Variants in PLCB4 observed in about 807,000 individuals in gnomAD.
PLCB4 encodes 1-phosphatidylinositol 4,5-bisphosphate phosphodiesterase beta-4.
PLCB4 carries 77 observed loss-of-function variants against 178.8 expected under a neutral mutation model. The ratio of observed to expected loss-of-function variants is 0.43; its 90% confidence interval spans 0.36 to 0.52. The LOEUF is 0.52. Among genes scored for constraint, PLCB4 ranks in the 20% least tolerant of loss-of-function variants. The probability of loss-of-function intolerance (pLI) is 0.00; values close to 1 mark genes in which losing one functional copy is unlikely to be tolerated. For synonymous variants in PLCB4, 496 were observed against 490.8 expected, an observed-to-expected ratio of 1.01 and a Z score of -0.14; for missense variants, 1,024 against 1,453.4, an observed-to-expected ratio of 0.70 and a Z score of 4.80.
At chr20:9,394,636 G>C (rs576745301) in intron 18 of PLCB4, among the ~76,000 whole-genome samples, 1 of 152,216 alleles carries the variant, frequency 6.6e-6, no homozygotes, top group South Asian at 2.1e-4. Context: ...CGAGTCCCAA[G>C]TTGATGGATT....
chr20:9,447,669 G>T (rs376456444), intron 32 of PLCB4, among the ~76,000 whole-genome samples: 1 of 152,144 alleles, frequency 6.6e-6, no homozygotes, highest in African/African-American at 2.4e-5. Flanking sequence ...ATAGCCTACC[G>T]GCTATTCAAC....
chr20:9,260,393 A>G (rs6056501), intron 3 of PLCB4, among the ~76,000 whole-genome samples: 36,253 of 151,966 alleles, frequency 0.24, 7,852 homozygotes, highest in African/African-American at 0.55. Flanking sequence ...GTTTTTTGGC[A>G]GGGGTTGTTG....
intron 1 of PLCB4, among the ~76,000 whole-genome samples, chr20:9,093,641 A>T (rs1042067586): frequency 1.4e-5 from 2 of 146,740 alleles, no homozygotes; most frequent in African/African-American, 2.5e-5. Flanking sequence ...GTTCAGAGGG[A>T]ATGTGAGGTT....
At chr20:9,372,935 T>A in intron 11 of PLCB4, 112 bp from the exon 12 acceptor site, 1 of 557,626 alleles carries the variant, frequency 1.8e-6, no homozygotes, top group Non-Finnish European at 3.2e-6. Flanking sequence ...CACCACTACT[T>A]CAGGGTTAGA....
intron 2 of PLCB4, among the ~76,000 whole-genome samples, chr20:9,200,852 A>ACCCCT (rs1326650619): frequency 5.9e-5 from 9 of 151,576 alleles, no homozygotes. Context: ...GGTAACCACT[A>ACCCCT]CCCCTCCCCT....
intron 3 of PLCB4, among the ~76,000 whole-genome samples, chr20:9,264,357 A>G (rs2094328031): frequency 1.3e-5 from 2 of 152,178 alleles, no homozygotes; most frequent in Admixed American, 1.3e-4. Context: ...CGCTTTAATT[A>G]TTTAGTAACC....
rs188596859 is a variant in PLCB4 at position 9,207,106 on chromosome 20, A to G, written c.-78-10284A>G. 2.2e-3 allele frequency among the ~76,000 whole-genome samples: 342 copies of G among 152,216 alleles called. 1 individual carries two copies. Among genetic ancestry groups the G allele is most frequent in the Non-Finnish European group, 3.7e-3 (251 of 67,994 alleles). The stretch of plus-strand genomic sequence containing the variant: ...ACTCCAGCCTGGGAGACAAAGCGAG[A>G]CTCTGTCTTAAAAAACCAAAACAAA... On this transcript the variant is annotated intron_variant, in intron 2 of 39. Coordinates refer to ENST00000378473, the MANE Select transcript of PLCB4 (RefSeq NM_001377142.1).
intron 28 of PLCB4, among the ~76,000 whole-genome samples, chr20:9,425,661 C>G (rs183702318): frequency 6.6e-6 from 1 of 152,346 alleles, no homozygotes; most frequent in Non-Finnish European, 1.5e-5. Context: ...TCTTTCCTAA[C>G]ATGTCATTGT....
At chr20:9,116,646 G>A (rs1485531781) in intron 2 of PLCB4, among the ~76,000 whole-genome samples, 1 of 152,030 alleles carries the variant, frequency 6.6e-6, no homozygotes, top group African/African-American at 2.4e-5. Flanking sequence ...TTTGGTATGT[G>A]GTAGGTTGAA....
In PLCB4 at chr20:9,480,064, A is replaced by AAT. The variant is rs1369287734; in HGVS notation, c.*1055_*1056insAT. Reference sequence around the variant, plus strand: ...GGGCATTCTTGATACTTCAAGTTCTAGTTTGAAAAAAATACATAACTAATT... The same window carrying AAT: ...GGGCATTCTTGATACTTCAAGTTCTAATGTTTGAAAAAAATACATAACTAATT... On this transcript the variant is annotated 3_prime_UTR_variant, in exon 40 of 40. Transcript: ENST00000378473. 2.9e-4 allele frequency: 45 copies of AAT among 152,752 alleles called. No individual in the cohort carries two copies. The highest frequency in any genetic ancestry group is 1.1e-3 in the African/African-American group (45 of 41,580). 9.5% of individuals were successfully genotyped at this position (152,752 alleles called of 1,614,324 possible).
intron 3 of PLCB4, among the ~76,000 whole-genome samples, chr20:9,273,184 G>T (rs2094421036): frequency 1.3e-5 from 2 of 152,176 alleles, no homozygotes; most frequent in South Asian, 4.1e-4. Flanking sequence ...AAGGGTAAAA[G>T]ACTTACAATG....
chr20:9,386,037 G>A (rs990104045), intron 14 of PLCB4, among the ~76,000 whole-genome samples: 1 of 152,198 alleles, frequency 6.6e-6, no homozygotes, highest in Non-Finnish European at 1.5e-5. Flanking sequence ...CAGACCACTC[G>A]AGGTCAGGAG....
Position 9,390,571 on chromosome 20 carries a change from C to T in PLCB4, c.1279C>T (p.Leu427=). 1 of 1,587,716 alleles carries T rather than the reference C, an allele frequency of 6.3e-7. No homozygotes were observed. ...CAAGATGTCCAAATATTGCGAAGAT[C>T]TATTTGGGGATCTCCTGTTGAAACA... ...QYKMSKYCED[L]FGDLLLKQAL... is the part of the protein sequence containing the mutation. The change falls in exon 17 of 40, where the codon CTA becomes TTA. Residue 427 remains leucine (L), a synonymous_variant. Transcript: ENST00000378473.
intron 2 of PLCB4, among the ~76,000 whole-genome samples, chr20:9,185,557 C>A (rs1007562472): frequency 6.6e-6 from 1 of 152,150 alleles, no homozygotes; most frequent in Non-Finnish European, 1.5e-5. Context: ...GACCCCTCTC[C>A]GTAGCCTGTT....
intron 2 of PLCB4, among the ~76,000 whole-genome samples, chr20:9,154,961 T>TTCCC (rs1372339517): frequency 4.2e-5 from 6 of 143,514 alleles, no homozygotes; most frequent in African/African-American, 1.6e-4. Flanking sequence ...CCTTCCTTCC[T>TTCCC]TCCTTCTGCT....
chr20:9,314,118 CTAGGGCAGAGGG>C (rs2147914302), intron 4 of PLCB4, among the ~76,000 whole-genome samples: 1 of 152,286 alleles, frequency 6.6e-6, no homozygotes, highest in South Asian at 2.1e-4. Flanking sequence ...GATTATTCAG[CTAGGGCAGAGGG>C]TAGGGCAGTG....
intron 24 of PLCB4, among the ~76,000 whole-genome samples, chr20:9,410,782 A>G (rs1396484924): frequency 6.6e-6 from 1 of 152,224 alleles, no homozygotes; most frequent in Non-Finnish European, 1.5e-5. Context: ...TGTGACTCCT[A>G]TATTGAATCC....
chr20:9,133,792 C>T (rs2092327203), intron 2 of PLCB4, among the ~76,000 whole-genome samples: 1 of 152,182 alleles, frequency 6.6e-6, no homozygotes. Flanking sequence ...GACAGCAGCT[C>T]TCCCTGTGCA....
At chr20:9,435,404 A>G (rs1312696465) in intron 28 of PLCB4, among the ~76,000 whole-genome samples, 156 bp from the exon 29 acceptor site, 1 of 152,240 alleles carries the variant, frequency 6.6e-6, no homozygotes. Flanking sequence ...TTCTGCAACT[A>G]GCTGTGCCTT....
Sources: gnomAD v4.1 joint callset for allele counts (sites outside exome capture counted in the v4.1 genomes callset) on GRCh38, gnomAD v4.1.1 for gene constraint, MANE v1.5 for transcripts, NCBI Gene and HGNC (gene_info 2026-07-23, HGNC 2026-07-21) for gene names.